Variants in APP observed in about 807,000 individuals in gnomAD.
The protein encoded by APP is amyloid-beta precursor protein.
In APP, 31 loss-of-function variants were observed where a neutral mutation model predicts 101.4. That is an observed-to-expected ratio of 0.31 (90% CI 0.23 to 0.41). The LOEUF (loss-of-function observed/expected upper bound fraction) is 0.41. Ranked by LOEUF, APP falls within the 10% of genes least tolerant of loss-of-function variation. APP has a pLI of 1.00. For synonymous variants in APP, 366 were observed against 364.4 expected (o/e 1.00, Z -0.05); for missense variants, 839 against 1,003.7 (o/e 0.84, Z 2.22).
At chr21:26,092,803 G>C (rs990853107) in intron 2 of APP, among the ~76,000 whole-genome samples, 1 of 152,098 alleles carries the variant, frequency 6.6e-6, no homozygotes, top group African/African-American at 2.4e-5. Flanking sequence ...GGAAACCTCT[G>C]TACCTTCCTC....
At chr21:26,053,154 C>T (rs756796584) in intron 4 of APP, 82 bp downstream of exon 4, 1 of 1,031,960 alleles carries the variant, frequency 9.7e-7, no homozygotes, top group Non-Finnish European at 1.5e-6. Context: ...TAGCTGTTGC[C>T]TCAAAATACC....
At chr21:26,157,471 T>C (rs1465794392) in intron 1 of APP, among the ~76,000 whole-genome samples, 1 of 152,206 alleles carries the variant, frequency 6.6e-6, no homozygotes, top group Non-Finnish European at 1.5e-5. Flanking sequence ...AATCATATTT[T>C]AGACATTTCT....
At chr21:26,106,455 G>A (rs2062184951) in intron 2 of APP, among the ~76,000 whole-genome samples, 1 of 152,092 alleles carries the variant, frequency 6.6e-6, no homozygotes. Context: ...TTCTTCCTCA[G>A]AAAAGGAGAT....
intron 1 of APP, among the ~76,000 whole-genome samples, chr21:26,160,587 G>T (rs1283936357): frequency 6.6e-6 from 1 of 151,830 alleles, no homozygotes; most frequent in African/African-American, 2.4e-5. Context: ...AGAGGTAATA[G>T]AATTCAATAT....
At position 25,891,877 on chromosome 21, in the gene APP, CAAATT is replaced by C. The variant is rs778913571; in HGVS notation, c.2065-14_2065-10del. ...TCTTCTGCAAAGAACACCTTGAAAACAAATTAAGAAAAAGAATTTTAATTTCTAAA... is the reference window on the plus strand; with the variant it reads ...TCTTCTGCAAAGAACACCTTGAAAACAAGAAAAAGAATTTTAATTTCTAAA... On this transcript the variant is annotated splice_polypyrimidine_tract_variant and intron_variant, in intron 16 of 17. Coordinates refer to ENST00000346798, the MANE Select transcript of APP (RefSeq NM_000484.4). The C allele has an allele frequency of 5.0e-6, 8 of 1,612,456 alleles. No homozygotes were observed. Among genetic ancestry groups the C allele is most frequent in the African/African-American group, 1.3e-5 (1 of 74,788 alleles).
intron 1 of APP, among the ~76,000 whole-genome samples, chr21:26,123,860 G>A (rs1444581081): frequency 4.6e-5 from 7 of 152,082 alleles, no homozygotes; most frequent in Non-Finnish European, 8.8e-5. Flanking sequence ...ATATGCAGAC[G>A]CCAATATTAG....
At chr21:25,924,299 G>C (rs1203123271) in intron 13 of APP, among the ~76,000 whole-genome samples, 6 of 12 alleles carry the variant, frequency 0.5, no homozygotes, top group Non-Finnish European at 0.5. Flanking sequence ...GAGTTAGTGG[G>C]TGCAGCGCCA....
chr21:25,960,140 T>G (rs1016266390), intron 11 of APP, among the ~76,000 whole-genome samples: 1 of 152,144 alleles, frequency 6.6e-6, no homozygotes, highest in South Asian at 2.1e-4. Flanking sequence ...CTTATATGCC[T>G]TCTAAGCTGT....
intron 5 of APP, among the ~76,000 whole-genome samples, chr21:26,037,481 TTAAAAATAAAAATTTTTAAAAA>T (rs2045169707): frequency 6.6e-6 from 1 of 152,216 alleles, no homozygotes; most frequent in African/African-American, 2.4e-5. Flanking sequence ...ATGTCAATTT[TTAAAAATAAAAATTTTTAAAAA>T]GGTACCTTTT....
rs45511594 is a variant in APP, at chr21:26,104,917, G to A, written c.225+7062C>T. 4.9e-3 allele frequency among the ~76,000 whole-genome samples: 749 copies of A among 152,014 alleles called. 5 individuals are homozygous for A. The highest frequency in any genetic ancestry group is 0.015 in the African/African-American group (642 of 41,442). On this transcript the variant is annotated intron_variant, in intron 2 of 17. Coordinates refer to ENST00000346798, the MANE Select transcript of APP (RefSeq NM_000484.4). Reference sequence around the variant, plus strand: ...ACTGTTAACAGCCACCTCAGACTTAGCCAGCTAGTTATCTCTAAAATATTT... The same window carrying A: ...ACTGTTAACAGCCACCTCAGACTTAACCAGCTAGTTATCTCTAAAATATTT...
intron 1 of APP, among the ~76,000 whole-genome samples, chr21:26,143,319 T>A (rs529641634): frequency 1.3e-5 from 2 of 152,276 alleles, no homozygotes; most frequent in African/African-American, 4.8e-5. Flanking sequence ...AAAATAATAA[T>A]GATGATGAAG....
intron 8 of APP, among the ~76,000 whole-genome samples, chr21:25,991,732 T>C (rs1188487178): frequency 4.6e-5 from 7 of 152,224 alleles, no homozygotes; most frequent in African/African-American, 1.7e-4. Context: ...TCTATTTGTT[T>C]ACTTATTGTC....
chr21:26,047,913 A>C (rs1223260446), intron 5 of APP, among the ~76,000 whole-genome samples: 3 of 152,234 alleles, frequency 2.0e-5, no homozygotes, highest in African/African-American at 7.2e-5. Flanking sequence ...TATCTTATTA[A>C]ATTTTTCATA....
At chr21:26,059,059 C>T (rs904125846) in intron 3 of APP, among the ~76,000 whole-genome samples, 1 of 149,488 alleles carries the variant, frequency 6.7e-6, no homozygotes, top group African/African-American at 2.5e-5. Flanking sequence ...CCAGCCTGGG[C>T]GACAGAGCGA....
intron 1 of APP, among the ~76,000 whole-genome samples, chr21:26,138,526 CAAAAA>C (rs10535530): frequency 7.1e-6 from 1 of 140,794 alleles, no homozygotes; most frequent in Non-Finnish European, 1.5e-5. Flanking sequence ...TCTGTCTCTA[CAAAAA>C]AAAAAAAAAA....
At chr21:26,024,581 A>G (rs1294411813) in intron 5 of APP, among the ~76,000 whole-genome samples, 2 of 152,208 alleles carry the variant, frequency 1.3e-5, no homozygotes, top group Non-Finnish European at 2.9e-5. Context: ...GTCTAACAGG[A>G]CCGCCATAAG....
intron 13 of APP, among the ~76,000 whole-genome samples, chr21:25,930,180 C>G (rs2040079286): frequency 1.3e-5 from 2 of 152,166 alleles, no homozygotes; most frequent in Admixed American, 1.3e-4. Flanking sequence ...ACTCTAAGAG[C>G]AGCACTCATT....
At chr21:26,130,456 T>C (rs1325941989) in intron 1 of APP, among the ~76,000 whole-genome samples, 1 of 152,166 alleles carries the variant, frequency 6.6e-6, no homozygotes, top group Admixed American at 6.5e-5. Context: ...CCACTCTCCA[T>C]AAGGAGACAG....
upstream of APP, chr21:26,170,864 G>T (rs200203169): frequency 4.8e-6 from 2 of 414,684 alleles, no homozygotes; most frequent in African/African-American, 2.1e-5. Context: ...TAGCGGCGCC[G>T]CCGGGGAACT....
Sources: allele counts gnomAD v4.1 joint callset (sites outside exome capture counted in the v4.1 genomes callset), GRCh38; gene constraint gnomAD v4.1.1; transcripts MANE v1.5; gene names NCBI Gene and HGNC (gene_info 2026-07-23, HGNC 2026-07-21).